PSMD1: variants seen among roughly 807,000 people sequenced by gnomAD.
PSMD1 encodes the protein 26S proteasome non-ATPase regulatory subunit 1.
In PSMD1, 18 loss-of-function variants were observed where a neutral mutation model predicts 119.0. The ratio of observed to expected loss-of-function variants is 0.15; its 90% CI spans 0.10 to 0.22. The LOEUF (loss-of-function observed/expected upper bound fraction) is 0.22. PSMD1 is among the 10% of genes least tolerant of loss of function. PSMD1 has a pLI of 1.00. For missense variants in PSMD1, 702 were observed against 1,158.5 expected, an observed-to-expected ratio of 0.61 and a Z score of 5.72; for synonymous variants, 374 against 396.6, an observed-to-expected ratio of 0.94 and a Z score of 0.68.
In PSMD1 at chr2:231,170,396, A is replaced by T. The variant is rs953065336; in HGVS notation, c.2716-170A>T. 2 of 627,092 alleles carry T rather than the reference A, an allele frequency of 3.2e-6. No homozygotes were observed. Among genetic ancestry groups the T allele is most frequent in the African/African-American group, 3.8e-5 (2 of 52,848 alleles). The allele number at this position is 627,092 out of a possible 1,614,324, so 38.8% of individuals were successfully genotyped here. ...CTAGAGCTACTGGGTTAAGTTTGCA[A>T]ATACTTCGTATAGATCACAGTTATC... On this transcript the variant is annotated intron_variant, in intron 23 of 24. Transcript: ENST00000308696. The surrounding 1 kb of genome is among the most constrained non-coding windows in gnomAD (Gnocchi z 4.1).
At chr2:231,095,644 T>C (rs1559227956) in intron 16 of PSMD1, among the ~76,000 whole-genome samples, 1 of 152,322 alleles carries the variant, frequency 6.6e-6, no homozygotes, top group South Asian at 2.1e-4. Flanking sequence ...TGACCTTTCA[T>C]TATTGATAGC....
chr2:231,150,220 G>C, intron 18 of PSMD1, among the ~76,000 whole-genome samples: 1 of 151,864 alleles, frequency 6.6e-6, no homozygotes, highest in East Asian at 1.9e-4. Flanking sequence ...GGTGGCAGGC[G>C]CCTGTAGTTC....
At chr2:231,103,786 T>A (rs1490217251) in intron 16 of PSMD1, among the ~76,000 whole-genome samples, 1 of 152,204 alleles carries the variant, frequency 6.6e-6, no homozygotes, top group African/African-American at 2.4e-5. Flanking sequence ...TGTCTAAAAA[T>A]TATTCTCCTT....
chr2:231,091,388 G>A (rs549086040), intron 16 of PSMD1, among the ~76,000 whole-genome samples: 54 of 152,126 alleles, frequency 3.5e-4, no homozygotes, highest in Middle Eastern at 3.4e-3. Flanking sequence ...AAAACCTCCC[G>A]GCCTTCCAAT....
chr2:231,074,401 C>T (rs543481322), intron 7 of PSMD1, among the ~76,000 whole-genome samples: 4 of 152,238 alleles, frequency 2.6e-5, no homozygotes, highest in South Asian at 4.1e-4. Context: ...CCACCATACC[C>T]GGCCTATTTA....
At chr2:231,110,296 A>G (rs915616383) in intron 16 of PSMD1, among the ~76,000 whole-genome samples, 1 of 152,156 alleles carries the variant, frequency 6.6e-6, no homozygotes, top group Non-Finnish European at 1.5e-5. Context: ...CTCCACGCTC[A>G]GCGACAAAGT....
intron 4 of PSMD1, among the ~76,000 whole-genome samples, chr2:231,064,649 A>G (rs947317609): frequency 1.3e-5 from 2 of 152,192 alleles, no homozygotes; most frequent in Admixed American, 6.5e-5. Context: ...TTTGCATTAT[A>G]ACATCCACTG....
chr2:231,123,818 T>A, intron 16 of PSMD1: 2 of 1,309,648 alleles, frequency 1.5e-6, no homozygotes, highest in Non-Finnish European at 2.2e-6. Context: ...GCATGGTTAG[T>A]AGCTAAGCTG....
At chr2:231,082,532 C>A (rs970131266) in intron 12 of PSMD1, among the ~76,000 whole-genome samples, 4 of 152,114 alleles carry the variant, frequency 2.6e-5, no homozygotes, top group African/African-American at 7.2e-5. Flanking sequence ...TGATGAAACC[C>A]CATCTCTACT....
intron 10 of PSMD1, among the ~76,000 whole-genome samples, chr2:231,079,222 C>T (rs1197508106): frequency 6.6e-6 from 1 of 152,028 alleles, no homozygotes; most frequent in African/African-American, 2.4e-5. Flanking sequence ...TGTATTTCTA[C>T]TTGTTTTAAG....
In PSMD1 at chr2:231,099,180, C is replaced by T. The variant is rs146709962; in HGVS notation, c.1883+11999C>T. Among the ~76,000 whole-genome samples, 267 of 152,200 alleles carry T rather than the reference C, an allele frequency of 1.8e-3. 2 individuals carry two copies. The East Asian group carries it at 0.044, about 25-fold the overall frequency. On this transcript the variant is annotated intron_variant, in intron 16 of 24. Transcript: ENST00000308696. ...GTTAGATAGTCTAAGGGATCCCATG[C>T]GCTGGAATTTTTAGGCATGAGAGCT...
At chr2:231,163,826 C>T in intron 21 of PSMD1, 99 bp downstream of exon 21, 2 of 832,468 alleles carry the variant, frequency 2.4e-6, no homozygotes, top group Non-Finnish European at 3.7e-6. Flanking sequence ...TTAAAAGTAA[C>T]ACTTCTTATG....
At chr2:231,164,792 GA>G (rs1316632331) in intron 21 of PSMD1, among the ~76,000 whole-genome samples, 1 of 151,648 alleles carries the variant, frequency 6.6e-6, no homozygotes, top group Admixed American at 6.6e-5. Flanking sequence ...AGCGCTGAAG[GA>G]AATTGTTCTA....
At chr2:231,101,874 G>A (rs569989023) in intron 16 of PSMD1, among the ~76,000 whole-genome samples, 1 of 152,326 alleles carries the variant, frequency 6.6e-6, no homozygotes, top group South Asian at 2.1e-4. Flanking sequence ...AGGCTGGAGT[G>A]CAGTGGTGTG....
intron 7 of PSMD1, 70 bp from the exon 8 acceptor site, chr2:231,075,441 T>C: frequency 7.6e-7 from 1 of 1,318,820 alleles, no homozygotes; most frequent in Non-Finnish European, 1.1e-6. Context: ...AATTTGGACA[T>C]GGTTCAGATC....
chr2:231,065,546 G>A (rs1390803340), intron 4 of PSMD1, among the ~76,000 whole-genome samples: 8 of 151,292 alleles, frequency 5.3e-5, no homozygotes, highest in East Asian at 1.9e-4. Context: ...TGATCCACCC[G>A]CCTCGGCCTC....
chr2:231,089,582 C>G (rs918885738), intron 16 of PSMD1, among the ~76,000 whole-genome samples: 13 of 149,136 alleles, frequency 8.7e-5, no homozygotes, highest in African/African-American at 3.3e-4. Context: ...CCTAGAGGGA[C>G]AGAATTAATA....
intron 23 of PSMD1, among the ~76,000 whole-genome samples, chr2:231,167,300 A>G (rs1372170832): frequency 6.6e-6 from 1 of 152,216 alleles, no homozygotes; most frequent in Non-Finnish European, 1.5e-5. Flanking sequence ...AATCCAGAAC[A>G]GATGTATTAG....
intron 1 of PSMD1, 87 bp from the exon 2 acceptor site, chr2:231,061,180 T>G: frequency 9.6e-7 from 1 of 1,046,762 alleles, no homozygotes; most frequent in Non-Finnish European, 1.4e-6. Context: ...AAATTGTTTT[T>G]CAGCCATCAT....
Sources: gnomAD v4.1 joint callset for allele counts (sites outside exome capture counted in the v4.1 genomes callset) on GRCh38, gnomAD v4.1.1 for gene constraint, Gnocchi (gnomAD v3.1) non-coding constraint, MANE v1.5 for transcripts, NCBI Gene and HGNC (gene_info 2026-07-23, HGNC 2026-07-21) for gene names.